Variants in PTPN14 observed in about 807,000 individuals in gnomAD.
PTPN14 encodes the protein tyrosine-protein phosphatase non-receptor type 14.
PTPN14 carries 53 observed loss-of-function variants against 126.8 expected under a neutral mutation model. The ratio of observed to expected loss-of-function variants is 0.42; its 90% CI spans 0.34 to 0.53. The LOEUF (loss-of-function observed/expected upper bound fraction) is 0.53, where lower values mean the gene tolerates loss of function less well. Ranked by LOEUF, PTPN14 falls within the 20% of genes least tolerant of loss-of-function variation. The probability of loss-of-function intolerance (pLI) is 0.08; values close to 1 mark genes in which losing one functional copy is unlikely to be tolerated. For synonymous variants in PTPN14, 630 were observed against 599.3 expected (o/e 1.05, Z -0.75); for missense variants, 1,257 against 1,552.9 (o/e 0.81, Z 3.20).
chr1:214,500,924 T>C (rs1421228534), intron 1 of PTPN14, among the ~76,000 whole-genome samples: 2 of 152,166 alleles, frequency 1.3e-5, no homozygotes, highest in Non-Finnish European at 2.9e-5. Flanking sequence ...TTTAAAAACA[T>C]CTGGTCCTTC....
At chr1:214,381,901 G>T (rs1049938685) in intron 13 of PTPN14, among the ~76,000 whole-genome samples, 2 of 152,110 alleles carry the variant, frequency 1.3e-5, no homozygotes, top group Non-Finnish European at 2.9e-5. Flanking sequence ...AAGCAGCAAT[G>T]GAGATTTTTT....
chr1:214,361,349 C>A (rs1657951970), intron 18 of PTPN14, among the ~76,000 whole-genome samples: 1 of 152,178 alleles, frequency 6.6e-6, no homozygotes, highest in Admixed American at 6.5e-5. Context: ...TCCTCCTCCT[C>A]CTCTACCATC....
intron 3 of PTPN14, among the ~76,000 whole-genome samples, chr1:214,444,633 T>C (rs1446553647): frequency 6.6e-6 from 1 of 151,990 alleles, no homozygotes; most frequent in East Asian, 1.9e-4. Context: ...ATTGCAGGAG[T>C]CTAAGGGGGA....
rs551052679 is a variant in PTPN14, at chr1:214,406,941, C to T, written c.511-3988G>A. On this transcript the variant is annotated intron_variant, in intron 5 of 18. Transcript: ENST00000366956. ...GAATAAGAAATAGGAAATTATCAAC[C>T]CTCCAATACCAACTACCCCATTTGA... Among the ~76,000 whole-genome samples the T allele has an allele frequency of 2.0e-5, 3 of 152,184 alleles. No homozygotes were observed. In the South Asian group the frequency reaches 6.2e-4, roughly 32 times the overall value.
chr1:214,535,091 A>T (rs138678011), intron 1 of PTPN14, among the ~76,000 whole-genome samples: 1 of 152,226 alleles, frequency 6.6e-6, no homozygotes, highest in African/African-American at 2.4e-5. Context: ...GACACAAAAG[A>T]TATCGATATA....
intron 3 of PTPN14, among the ~76,000 whole-genome samples, chr1:214,450,937 A>G (rs1660259124): frequency 6.6e-6 from 1 of 152,228 alleles, no homozygotes; most frequent in East Asian, 1.9e-4. Flanking sequence ...AGTAGCTGCA[A>G]TACCTTGTTC....
intron 2 of PTPN14, among the ~76,000 whole-genome samples, chr1:214,458,056 TAGAGAG>T (rs1251547360): frequency 6.9e-6 from 1 of 144,998 alleles, no homozygotes; most frequent in African/African-American, 2.8e-5. Flanking sequence ...GAGAGAGAGA[TAGAGAG>T]AGAGAGACAG....
At chr1:214,496,851 AT>A (rs140458054) in intron 1 of PTPN14, among the ~76,000 whole-genome samples, 6,949 of 152,322 alleles carry the variant, frequency 0.046, 210 homozygotes, top group Non-Finnish European at 0.065. Context: ...AATTTTCATG[AT>A]TAAACTACAA....
intron 1 of PTPN14, among the ~76,000 whole-genome samples, chr1:214,523,188 C>T (rs1171690055): frequency 1.3e-5 from 2 of 151,812 alleles, no homozygotes; most frequent in African/African-American, 4.8e-5. Context: ...AACCTGGCAT[C>T]CCGAGGTCAA....
At chr1:214,518,924 C>T (rs1349375627) in intron 1 of PTPN14, among the ~76,000 whole-genome samples, 1 of 152,126 alleles carries the variant, frequency 6.6e-6, no homozygotes, top group Non-Finnish European at 1.5e-5. Flanking sequence ...GGTATGTTGG[C>T]TTTAAACTAA....
intron 1 of PTPN14, among the ~76,000 whole-genome samples, chr1:214,504,956 A>G (rs1161685786): frequency 6.6e-6 from 1 of 152,174 alleles, no homozygotes; most frequent in African/African-American, 2.4e-5. Context: ...ACTTCATCAG[A>G]GGTGACACCC....
At chr1:214,472,860 C>T (rs1002735786) in intron 1 of PTPN14, among the ~76,000 whole-genome samples, 3 of 152,188 alleles carry the variant, frequency 2.0e-5, no homozygotes, top group Non-Finnish European at 4.4e-5. Context: ...GATCCAGACA[C>T]GTTCCTTGCA....
intron 1 of PTPN14, among the ~76,000 whole-genome samples, chr1:214,480,864 C>G (rs933011345): frequency 6.6e-6 from 1 of 152,144 alleles, no homozygotes; most frequent in Non-Finnish European, 1.5e-5. Context: ...GGCACCCTCT[C>G]TGCCTACCAA....
intron 13 of PTPN14, among the ~76,000 whole-genome samples, chr1:214,378,561 T>G (rs938778386): frequency 1.3e-5 from 2 of 152,196 alleles, no homozygotes; most frequent in Non-Finnish European, 2.9e-5. Context: ...GATTGAGAGA[T>G]CCACACACAT....
chr1:214,470,188 C>A (rs919859484), intron 1 of PTPN14, among the ~76,000 whole-genome samples: 12 of 152,100 alleles, frequency 7.9e-5, no homozygotes, highest in Non-Finnish European at 1.6e-4. Flanking sequence ...ACTTGGGAGG[C>A]TGAGGCAGGA....
chr1:214,542,669 G>C (rs184029244), intron 1 of PTPN14, among the ~76,000 whole-genome samples: 2 of 152,196 alleles, frequency 1.3e-5, no homozygotes, highest in African/African-American at 4.8e-5. Flanking sequence ...GGCTTGGAGG[G>C]ATGGTTTTGA....
chr1:214,543,532 T>C (rs1439837405), intron 1 of PTPN14, among the ~76,000 whole-genome samples: 3 of 152,200 alleles, frequency 2.0e-5, no homozygotes, highest in Non-Finnish European at 2.9e-5. Context: ...TCCCAGAGCA[T>C]AGTAATTATT....
intron 18 of PTPN14, among the ~76,000 whole-genome samples, chr1:214,362,921 G>T (rs185527171): frequency 6.6e-6 from 1 of 152,308 alleles, no homozygotes; most frequent in Admixed American, 6.5e-5. Context: ...GATTAGGTGG[G>T]GAAGGTGATG....
chr1:214,429,726 C>T (rs1380169722), intron 3 of PTPN14, among the ~76,000 whole-genome samples: 2 of 152,186 alleles, frequency 1.3e-5, no homozygotes, highest in Admixed American at 1.3e-4. Flanking sequence ...TCCAAGCCAA[C>T]TAGAATATTA....
Sources: allele counts gnomAD v4.1 joint callset (sites outside exome capture counted in the v4.1 genomes callset), GRCh38; gene constraint gnomAD v4.1.1; transcripts MANE v1.5; gene names NCBI Gene and HGNC (gene_info 2026-07-23, HGNC 2026-07-21).